The following PDE4D variants were observed in gnomAD, a reference collection of about 807,000 sequenced individuals.
The protein encoded by PDE4D is phosphodiesterase 4D, also known as 3',5'-cyclic-AMP phosphodiesterase 4D.
Under a neutral mutation model 87.4 loss-of-function variants are expected in PDE4D, and 24 were observed. The observed-to-expected ratio is 0.27, with a 90% CI of 0.20 to 0.39. PDE4D has a LOEUF of 0.39. Among genes scored for constraint, PDE4D ranks in the 10% least tolerant of loss-of-function variants. PDE4D has a pLI of 1.00. For missense variants in PDE4D, 714 were observed against 1,041.0 expected (o/e 0.69, Z 4.32); for synonymous variants, 384 against 383.2 (o/e 1.00, Z -0.02).
intron 1 of PDE4D, among the ~76,000 whole-genome samples, chr5:60,481,338 A>C (rs1203377817): frequency 6.6e-6 from 1 of 152,112 alleles, no homozygotes; most frequent in Non-Finnish European, 1.5e-5. Context: ...CTGAAAAAAA[A>C]TTGTTTACTG....
chr5:59,155,298 G>A (rs1350616199), intron 5 of PDE4D, among the ~76,000 whole-genome samples: 19 of 152,208 alleles, frequency 1.2e-4, no homozygotes, highest in Non-Finnish European at 8.8e-5. Context: ...GAAGTATTCA[G>A]AGCAGCAAGA....
chr5:60,147,831 G>A (rs770905819), intron 2 of PDE4D: 46 of 453,380 alleles, frequency 1.0e-4, no homozygotes, highest in East Asian at 7.0e-4. Context: ...TCCATAGGCT[G>A]CTTGAGTGTC....
intron 5 of PDE4D, chr5:59,173,008 C>T (rs1009615234): frequency 1.3e-5 from 2 of 151,992 alleles, no homozygotes; most frequent in African/African-American, 4.8e-5. Context: ...AAAGAATACC[C>T]CCAAAACTTG....
intron 1 of PDE4D, among the ~76,000 whole-genome samples, chr5:59,411,047 T>A (rs1792588357): frequency 6.6e-6 from 1 of 152,176 alleles, no homozygotes; most frequent in Non-Finnish European, 1.5e-5. Flanking sequence ...CTAATGAGGA[T>A]AAAGTGGCAC....
In PDE4D at chr5:59,276,175, A is replaced by G. The variant is rs6877508; in HGVS notation, c.456-60207T>C. 0.24 allele frequency: 232,805 copies of G among 974,266 alleles called. 28,392 individuals carry two copies. Among genetic ancestry groups the G allele is most frequent in the Admixed American group, 0.36 (5,755 of 15,964 alleles). The allele number at this position is 974,266 out of a possible 1,614,324, so 60.4% of individuals were successfully genotyped here. ...CCCAGCGCCCAGCCTAGCCTCGTCA[A>G]TTGCTGAGACTTACAAAGCAAAGGG... On this transcript the variant is annotated intron_variant, in intron 1 of 14. Coordinates refer to ENST00000340635, the MANE Select transcript of PDE4D (RefSeq NM_001104631.2).
intron 5 of PDE4D, among the ~76,000 whole-genome samples, chr5:59,162,656 T>C (rs1781283576): frequency 6.7e-6 from 1 of 148,904 alleles, no homozygotes; most frequent in Admixed American, 6.7e-5. Flanking sequence ...CTGGGCAACA[T>C]CGTGAGATCC....
intron 2 of PDE4D, among the ~76,000 whole-genome samples, chr5:60,094,289 T>G (rs1040667909): frequency 3.9e-5 from 6 of 152,172 alleles, no homozygotes; most frequent in African/African-American, 1.4e-4. Context: ...AAAACAAAGT[T>G]GAAGGTAACC....
chr5:59,274,900 A>G (rs1049047842), intron 1 of PDE4D, among the ~76,000 whole-genome samples: 2 of 152,144 alleles, frequency 1.3e-5, no homozygotes, highest in African/African-American at 4.8e-5. Context: ...TTTCATGTGT[A>G]TGATTAAATA....
chr5:60,055,510 T>C (rs1257102855), intron 2 of PDE4D, among the ~76,000 whole-genome samples: 2 of 152,092 alleles, frequency 1.3e-5, no homozygotes, highest in African/African-American at 4.8e-5. Flanking sequence ...CTTATTGTAA[T>C]TGAAAGACTA....
chr5:59,950,456 G>A (rs1297885777), intron 3 of PDE4D, among the ~76,000 whole-genome samples: 1 of 152,044 alleles, frequency 6.6e-6, no homozygotes, highest in Non-Finnish European at 1.5e-5. Context: ...TTATAAAATA[G>A]ATGCTACATT....
chr5:59,153,316 T>C (rs1353621653), intron 5 of PDE4D, among the ~76,000 whole-genome samples: 2 of 152,214 alleles, frequency 1.3e-5, no homozygotes, highest in Non-Finnish European at 2.9e-5. Context: ...TGTTGTCCTT[T>C]TCACAAAAAC....
chr5:59,279,101 T>A (rs1303575177), intron 1 of PDE4D, among the ~76,000 whole-genome samples: 1 of 152,186 alleles, frequency 6.6e-6, no homozygotes, highest in African/African-American at 2.4e-5. Context: ...TCTAAATTCC[T>A]ATTTTCAGAT....
intron 1 of PDE4D, among the ~76,000 whole-genome samples, chr5:59,376,665 A>C (rs552522908): frequency 5.7e-4 from 87 of 152,322 alleles, no homozygotes; most frequent in Non-Finnish European, 9.1e-4. Context: ...GAGATTCTTC[A>C]CAGAACTAGA....
chr5:59,988,668 C>G, exon 3 of PDE4D: 1 of 1,598,804 alleles, frequency 6.3e-7, no homozygotes, highest in Non-Finnish European at 8.5e-7. Context: ...TTCCATTCCG[C>G]GGAAAGGGTC....
At chr5:59,451,025 T>C (rs1216932220) in intron 1 of PDE4D, among the ~76,000 whole-genome samples, 1 of 152,236 alleles carries the variant, frequency 6.6e-6, no homozygotes, top group African/African-American at 2.4e-5. Flanking sequence ...ATTTTGTTTA[T>C]ATTCACTATC....
At chr5:59,392,382 T>C (rs922673087) in intron 1 of PDE4D, among the ~76,000 whole-genome samples, 1 of 152,050 alleles carries the variant, frequency 6.6e-6, no homozygotes, top group African/African-American at 2.4e-5. Context: ...TCCAAGTTCT[T>C]CAGTTTTGGA....
intron 1 of PDE4D, among the ~76,000 whole-genome samples, chr5:59,806,617 T>G (rs925095720): frequency 3.3e-5 from 5 of 152,250 alleles, no homozygotes; most frequent in Non-Finnish European, 5.9e-5. Flanking sequence ...TATTCAAGTT[T>G]ATTATTTCTT....
intron 1 of PDE4D, among the ~76,000 whole-genome samples, chr5:59,332,303 T>C (rs1213294271): frequency 6.6e-6 from 1 of 152,196 alleles, no homozygotes; most frequent in Admixed American, 6.5e-5. Context: ...TGTATGTATA[T>C]ACTTTATTGA....
At chr5:60,028,431 T>G (rs1002776321) in intron 2 of PDE4D, among the ~76,000 whole-genome samples, 7 of 152,214 alleles carry the variant, frequency 4.6e-5, no homozygotes, top group African/African-American at 1.7e-4. Context: ...ATCCTGGGTC[T>G]GTCTGCCCTC....
Sources: allele counts gnomAD v4.1 joint callset (sites outside exome capture counted in the v4.1 genomes callset), GRCh38; gene constraint gnomAD v4.1.1; transcripts MANE v1.5; gene names NCBI Gene and HGNC (gene_info 2026-07-23, HGNC 2026-07-21).